PLA2G3: variants seen among roughly 807,000 people sequenced by gnomAD.
PLA2G3 encodes the protein phospholipase A2 group III.
In PLA2G3, 39 loss-of-function variants were observed where a neutral mutation model predicts 51.3. That is an observed-to-expected ratio of 0.76 (90% confidence interval 0.59 to 0.99). PLA2G3 has a LOEUF of 0.99. Among genes scored for constraint, PLA2G3 ranks in the 50% least tolerant of loss-of-function variants. The pLI is 0.00. For synonymous variants in PLA2G3, 293 were observed against 263.1 expected (o/e 1.11, Z -1.10); for missense variants, 677 against 662.1 (o/e 1.02, Z -0.25).
Position 31,140,406 on chromosome 22 carries a change from G to A in PLA2G3, c.-52C>T. The A allele has an allele frequency of 6.6e-7, 1 of 1,512,158 alleles. No individual in the cohort carries two copies. The allele number at this position is 1,512,158 out of a possible 1,614,324, so 93.7% of individuals were successfully genotyped here. On this transcript the variant is annotated 5_prime_UTR_variant, in exon 1 of 7. Transcript: ENST00000215885. ...AAAGCCCCTGGGATGCCTGCCCTTG[G>A]TGGCCCCACCAGGCGGCAGCTGAGC...
In PLA2G3 at chr22:31,139,106, C is replaced by T. The variant is rs544342128; in HGVS notation, c.515-307G>A. Among the ~76,000 whole-genome samples, 3 of 152,298 alleles carry T rather than the reference C, an allele frequency of 2.0e-5. No individual in the cohort carries two copies. In the East Asian group the frequency reaches 5.8e-4, roughly 29 times the overall value. ...TCTGCCTCCAGAGTTCCCAAGCCCA[C>T]GCCCCAAATAAAACTCCAAAATTAT... is the stretch of plus-strand genomic sequence containing the variant. On this transcript the variant is annotated intron_variant, in intron 1 of 6. Coordinates refer to ENST00000215885, the MANE Select transcript of PLA2G3 (RefSeq NM_015715.5).
At chr22:31,138,214 C>T in intron 3 of PLA2G3, 62 bp downstream of exon 3, 1 of 1,582,230 alleles carries the variant, frequency 6.3e-7, no homozygotes. Context: ...CTCTCCCTCA[C>T]CAGGCTTGGA....
intron 3 of PLA2G3, 65 bp downstream of exon 3, chr22:31,138,211 T>G: frequency 6.4e-7 from 1 of 1,570,980 alleles, no homozygotes; most frequent in South Asian, 1.1e-5. Context: ...TAGCTCTCCC[T>G]CACCAGGCTT....
In PLA2G3 at chr22:31,135,229, C is replaced by T. The variant is rs1255027698; in HGVS notation, c.*494G>A. On this transcript the variant is annotated 3_prime_UTR_variant, in exon 7 of 7. Coordinates refer to ENST00000215885, the MANE Select transcript of PLA2G3 (RefSeq NM_015715.5). ...AGCTGAAAGCCCTCTCCAACACCCA[C>T]CCCAATCCTGGATTCAGACACAGAC... 6.4e-6 allele frequency: 1 copy of T among 156,910 alleles called. No individual in the cohort carries two copies. Among genetic ancestry groups the T allele is most frequent in the East Asian group, 1.9e-4 (1 of 5,356 alleles). The allele number at this position is 156,910 out of a possible 1,614,324, so 9.7% of individuals were successfully genotyped here.
rs148262601 is a variant in PLA2G3, at chr22:31,140,115, G to T, written c.240C>A (p.Thr80=). The change falls in exon 1 of 7, where the codon ACC becomes ACA. Residue 80 remains threonine, a synonymous_variant. Coordinates refer to ENST00000215885, the MANE Select transcript of PLA2G3 (RefSeq NM_015715.5). The part of the protein sequence containing the change: ...SCSWEDEPEL[T]AAYGALCAHE... ...GAGCACAGAGAGCACCGTAGGCTGC[G>T]GTGAGCTCCGGCTCATCCTCCCAGC... is the stretch of plus-strand genomic sequence containing the variant. 1 of 1,613,086 alleles carries T rather than the reference G, an allele frequency of 6.2e-7. No homozygotes were observed. Among genetic ancestry groups the T allele is most frequent in the Admixed American group, 1.7e-5 (1 of 60,020 alleles).
At position 31,140,501 on chromosome 22, in the gene PLA2G3, G is replaced by T; in HGVS notation, c.-147C>A. On this transcript the variant is annotated 5_prime_UTR_variant, in exon 1 of 7. Transcript: ENST00000215885. Reference sequence around the variant, plus strand: ...AATGAATGGAGCTGCGGGAGGAGGAGGAAAGAGGCTGGAGTATGGGGTGAT... The same window carrying T: ...AATGAATGGAGCTGCGGGAGGAGGATGAAAGAGGCTGGAGTATGGGGTGAT... The T allele has an allele frequency of 2.3e-6, 2 of 856,238 alleles. No individual in the cohort carries two copies. Among genetic ancestry groups the T allele is most frequent in the Non-Finnish European group, 3.5e-6 (2 of 566,806 alleles). The allele number at this position is 856,238 out of a possible 1,614,324, so 53.0% of individuals were successfully genotyped here.
intron 1 of PLA2G3, among the ~76,000 whole-genome samples, chr22:31,139,438 G>C (rs1922766691): frequency 6.6e-6 from 1 of 152,166 alleles, no homozygotes; most frequent in African/African-American, 2.4e-5. Flanking sequence ...GTCCAGAGAG[G>C]GGAAGTGACT....
In PLA2G3 at chr22:31,137,811, C is replaced by G; in HGVS notation, c.965G>C (p.Ser322Thr). The change falls in exon 4 of 7, where the codon AGC (serine) becomes ACC (threonine). Residue 322 changes from serine to threonine, a missense_variant. Physicochemically the swap from Ser to Thr is moderately conservative, Grantham distance 58. Coordinates refer to ENST00000215885, the MANE Select transcript of PLA2G3 (RefSeq NM_015715.5). Reference protein sequence around the residue: ...PPHQKGSKRPSKANTTALQDP... With the variant: ...PPHQKGSKRPTKANTTALQDP... ...CTGGAGGGCTGTGGTGTTGGCTTTG[C>G]TGGGGCGCTTGGACCCTTTCTGATG... The G allele has an allele frequency of 6.2e-7, 1 of 1,614,062 alleles. No individual in the cohort carries two copies. The highest frequency in any genetic ancestry group is 1.1e-5 in the South Asian group (1 of 91,086).
rs200648174 is a variant in PLA2G3, at chr22:31,137,723, G to A, written c.1053C>T (p.Gly351=). 2.5e-6 allele frequency: 4 copies of A among 1,605,754 alleles called. No individual in the cohort carries two copies. The highest frequency in any genetic ancestry group is 4.5e-5 in the East Asian group (2 of 44,832). ...APTGLQGPQG[G]LKPQGARWVC... ...TTCTGAGCTCACCCTGAGGTTTTAG[G>A]CCACCCTGTGGGCCCTGGAGGCCTG... Residue 351 remains glycine (G), a synonymous_variant, in exon 4 of 7, where the codon GGC becomes GGT. Coordinates refer to ENST00000215885, the MANE Select transcript of PLA2G3 (RefSeq NM_015715.5).
At position 31,135,855 on chromosome 22, in the gene PLA2G3, A is replaced by G; in HGVS notation, c.1398T>C (p.Asp466=). The stretch of plus-strand genomic sequence containing the variant: ...ATGGCTGCCTCTCATCTGTGCCTTT[A>G]TCCTGGAGCTGGTGTCGCCTCTGCT... ...RLQQRRHQLQ[D]KGTDERQPWP... The change falls in exon 7 of 7, where the codon GAT becomes GAC. Residue 466 remains aspartate, a synonymous_variant. Transcript: ENST00000215885. 1.9e-6 allele frequency: 3 copies of G among 1,613,894 alleles called. No homozygotes were observed. Among genetic ancestry groups the G allele is most frequent in the Non-Finnish European group, 1.7e-6 (2 of 1,180,020 alleles).
At position 31,135,451 on chromosome 22, in the gene PLA2G3, C is replaced by G. The variant is rs1045022636; in HGVS notation, c.*272G>C. 2.0e-6 allele frequency: 1 copy of G among 501,812 alleles called. No individual in the cohort carries two copies. Among genetic ancestry groups the G allele is most frequent in the Non-Finnish European group, 3.6e-6 (1 of 279,068 alleles). The allele number at this position is 501,812 out of a possible 1,614,324, so 31.1% of individuals were successfully genotyped here. A position where few individuals can be genotyped will look rare whatever the true frequency, so the allele number is the denominator to read the frequency against. The stretch of plus-strand genomic sequence containing the variant: ...CTCATCTGTATGTGAAGTTCCCTGG[C>G]AAGGCCAAAGCCCAGGGCATCAGAA... On this transcript the variant is annotated 3_prime_UTR_variant, in exon 7 of 7. Coordinates refer to ENST00000215885, the MANE Select transcript of PLA2G3 (RefSeq NM_015715.5).
chr22:31,138,060 C>T lies in PLA2G3; in HGVS notation c.783-67G>A. The T allele has an allele frequency of 2.7e-6, 4 of 1,476,624 alleles. No homozygotes were observed. The South Asian group carries it at 5.4e-5, about 20-fold the overall frequency. 91.5% of individuals were successfully genotyped at this position (1,476,624 alleles called of 1,614,324 possible). ...CCCTTCCAGAAGCCCCCAGGGTCGT[C>T]TCCATGGAGATCAATGCTCTGCCAG... On this transcript the variant is annotated intron_variant, in intron 3 of 6. Coordinates refer to ENST00000215885, the MANE Select transcript of PLA2G3 (RefSeq NM_015715.5).
chr22:31,139,484 C>T (rs1922769453), intron 1 of PLA2G3, among the ~76,000 whole-genome samples: 1 of 152,078 alleles, frequency 6.6e-6, no homozygotes, highest in Non-Finnish European at 1.5e-5. Flanking sequence ...GGATTTGAAC[C>T]CAGGCCTTTC....
Position 31,137,730 on chromosome 22 carries a change from T to C in PLA2G3, c.1046A>G (p.Gln349Arg), listed in dbSNP as rs778182473. ...CTCACCCTGAGGTTTTAGGCCACCC[T>C]GTGGGCCCTGGAGGCCTGTGGGGGC... ...DVAPTGLQGPQGGLKPQGARW... is the reference protein window; with the variant it reads ...DVAPTGLQGPRGGLKPQGARW... Residue 349 changes from glutamine to arginine, a missense_variant, in exon 4 of 7, where the codon CAG becomes CGG. Physicochemically the swap from Gln to Arg is conservative, Grantham distance 43. Transcript: ENST00000215885. 21 of 1,609,312 alleles carry C rather than the reference T, an allele frequency of 1.3e-5. No homozygotes were observed. Among genetic ancestry groups the C allele is most frequent in the Non-Finnish European group, 1.8e-5 (21 of 1,178,760 alleles).
intron 3 of PLA2G3, 136 bp from the exon 4 acceptor site, chr22:31,138,129 G>A (rs1922694929): frequency 2.2e-6 from 3 of 1,334,318 alleles, no homozygotes; most frequent in Non-Finnish European, 2.0e-6. Context: ...ACCCAAGGAG[G>A]GTCTGCATCC....
rs1922820859 is a variant in PLA2G3, at chr22:31,140,240, C to G, written c.115G>C (p.Gly39Arg). ...TSCHLTKAVP[G>R]NPLGYLSFLA... ...AAGCTCAGGTACCCCAGTGGGTTGC[C>G]AGGGACGGCCTTGGTCAAGTGGCAG... is the stretch of plus-strand genomic sequence containing the variant. Residue 39 changes from glycine (G) to arginine (R), a missense_variant, in exon 1 of 7, where the codon GGC becomes CGC. Physicochemically the swap from Gly to Arg is moderately radical, Grantham distance 125. Coordinates refer to ENST00000215885, the MANE Select transcript of PLA2G3 (RefSeq NM_015715.5). The G allele has an allele frequency of 3.1e-6, 5 of 1,612,640 alleles. No homozygotes were observed. Among genetic ancestry groups the G allele is most frequent in the Non-Finnish European group, 4.2e-6 (5 of 1,180,008 alleles).
At position 31,138,372 on chromosome 22, in the gene PLA2G3, G is replaced by T; in HGVS notation, c.686C>A (p.Ser229Ter). 1 of 1,613,880 alleles carries T rather than the reference G, an allele frequency of 6.2e-7. No individual in the cohort carries two copies. Among genetic ancestry groups the T allele is most frequent in the South Asian group, 1.1e-5 (1 of 91,064 alleles). Residue 229 changes from serine to a stop codon, truncating the protein, a stop_gained, in exon 3 of 7, where the codon TCG becomes TAG. Coordinates refer to ENST00000215885, the MANE Select transcript of PLA2G3 (RefSeq NM_015715.5). LOFTEE classifies it high-confidence loss of function. Reference sequence around the variant, plus strand: ...GAAGAAGGCCACGCCCACGATGTCCGAGATGGAGTCGTGCTGATTCTGTAG... The same window carrying T: ...GAAGAAGGCCACGCCCACGATGTCCTAGATGGAGTCGTGCTGATTCTGTAG... ...QCLQNQHDSI[S>*]DIVGVAFFNV... is the part of the protein sequence containing the mutation.
In PLA2G3 at chr22:31,138,271, C is replaced by T. The variant is rs367753904; in HGVS notation, c.782+5G>A. ...GGAAAGGGACATGAGGGGGTGGCCA[C>T]GTACCCGCCCCACCAGTACCACGCC... On this transcript the variant is annotated splice_donor_5th_base_variant and intron_variant, in intron 3 of 6. Coordinates refer to ENST00000215885, the MANE Select transcript of PLA2G3 (RefSeq NM_015715.5). 2.0e-5 allele frequency: 33 copies of T among 1,612,714 alleles called. No individual in the cohort carries two copies. Among genetic ancestry groups the T allele is most frequent in the African/African-American group, 6.7e-5 (5 of 74,882 alleles).
intron 2 of PLA2G3, 97 bp from the exon 3 acceptor site, chr22:31,138,507 C>G: frequency 6.5e-7 from 1 of 1,528,360 alleles, no homozygotes; most frequent in Non-Finnish European, 9.0e-7. Context: ...GGTTTGGGGT[C>G]CAAGCATCCC....
Sources: gnomAD v4.1 joint callset for allele counts (sites outside exome capture counted in the v4.1 genomes callset) on GRCh38, gnomAD v4.1.1 for gene constraint, MANE v1.5 for transcripts, NCBI Gene and HGNC (gene_info 2026-07-23, HGNC 2026-07-21) for gene names.